PCDH15: variants seen among roughly 807,000 people sequenced by gnomAD.
The protein encoded by PCDH15 is protocadherin related 15.
Under a neutral mutation model 178.5 loss-of-function variants are expected in PCDH15, and 129 were observed. The ratio of observed to expected loss-of-function variants is 0.72; its 90% CI spans 0.63 to 0.84. The LOEUF (loss-of-function observed/expected upper bound fraction) is 0.84, where lower values mean the gene tolerates loss of function less well. Ranked by LOEUF, PCDH15 falls within the 40% of genes least tolerant of loss-of-function variation. The pLI is 0.00. For synonymous variants in PCDH15, 800 were observed against 732.0 expected (o/e 1.09, Z -1.50); for missense variants, 2,230 against 2,099.9 (o/e 1.06, Z -1.21).
chr10:53,887,608 G>A (rs1319557322), intron 26 of PCDH15, among the ~76,000 whole-genome samples: 3 of 152,148 alleles, frequency 2.0e-5, no homozygotes, highest in African/African-American at 4.8e-5. Flanking sequence ...CATTAAACAG[G>A]TCGGGCACGG....
At position 54,130,916 on chromosome 10, in the gene PCDH15, A is replaced by G. The variant is rs565676067; in HGVS notation, c.1917+1959T>C. On this transcript the variant is annotated intron_variant, in intron 15 of 37. Coordinates refer to ENST00000644397, the MANE Select transcript of PCDH15 (RefSeq NM_001384140.1). Reference sequence around the variant, plus strand: ...ACTAGTTTAAATGTAGTCTCAGTTGATCATGAACAAAAGTGGGTGGTTAGT... The same window carrying G: ...ACTAGTTTAAATGTAGTCTCAGTTGGTCATGAACAAAAGTGGGTGGTTAGT... Among the ~76,000 whole-genome samples, 8 of 152,258 alleles carry G rather than the reference A, an allele frequency of 5.3e-5. No individual in the cohort carries two copies. In the South Asian group the frequency reaches 1.7e-3, roughly 32 times the overall value.
intron 25 of PCDH15, among the ~76,000 whole-genome samples, chr10:53,908,833 G>C (rs749753699): frequency 2.0e-5 from 3 of 152,148 alleles, no homozygotes; most frequent in Non-Finnish European, 4.4e-5. Flanking sequence ...CTATTGCAGA[G>C]AATTTTTTAA....
At position 54,062,253 on chromosome 10, in the gene PCDH15, C is replaced by CAAAAAAAAAAAA. The variant is rs769054605; in HGVS notation, c.2220+4503_2220+4504insTTTTTTTTTTTT. On this transcript the variant is annotated intron_variant, in intron 18 of 37. Coordinates refer to ENST00000644397, the MANE Select transcript of PCDH15 (RefSeq NM_001384140.1). ...AAAAAAAAAAAAAAAAAAAAAAAAA[C>CAAAAAAAAAAAA]AAAAAACAACTAAATGAAAACTCCC... Among the ~76,000 whole-genome samples, 10 of 75,838 alleles carry CAAAAAAAAAAAA rather than the reference C, an allele frequency of 1.3e-4. 1 individual carries two copies. The highest frequency in any genetic ancestry group is 1.3e-4 in the Non-Finnish European group (5 of 39,454). 49.8% of individuals were successfully genotyped at this position (75,838 alleles called of 152,430 possible).
In PCDH15 at chr10:54,664,185, G is replaced by A. The variant is rs2094534129; in HGVS notation, c.78C>T (p.Gly26=). 6.2e-7 allele frequency: 1 copy of A among 1,611,672 alleles called. No individual in the cohort carries two copies. The highest frequency in any genetic ancestry group is 8.5e-7 in the Non-Finnish European group (1 of 1,178,612). Residue 26 remains glycine, a synonymous_variant, in exon 2 of 38, where the codon GGC becomes GGT. Coordinates refer to ENST00000644397, the MANE Select transcript of PCDH15 (RefSeq NM_001384140.1). ...AAGCAACCTTACCATCATCATACTG[G>A]CCCAAGCAGATTTCAAAGAGAGAGC... ...ILGSLFEICL[G]QYDDDCKLAR...
chr10:54,289,795 C>A (rs1336345314), intron 8 of PCDH15, among the ~76,000 whole-genome samples: 2 of 152,014 alleles, frequency 1.3e-5, no homozygotes, highest in Non-Finnish European at 2.9e-5. Flanking sequence ...GAAAGGGTAT[C>A]AGTGATTGGA....
intron 8 of PCDH15, among the ~76,000 whole-genome samples, chr10:54,305,089 A>G (rs963350125): frequency 3.3e-5 from 5 of 152,072 alleles, no homozygotes; most frequent in African/African-American, 9.7e-5. Context: ...CTATTTTTAT[A>G]ACTTTTTAAA....
intron 15 of PCDH15, among the ~76,000 whole-genome samples, chr10:54,116,684 C>G (rs964597478): frequency 1.3e-5 from 2 of 152,170 alleles, no homozygotes; most frequent in African/African-American, 4.8e-5. Context: ...AATTACATTT[C>G]CAGTCCTAAG....
intron 1 of PCDH15, among the ~76,000 whole-genome samples, chr10:55,268,658 TA>T (rs914605037): frequency 2.6e-5 from 4 of 152,110 alleles, no homozygotes; most frequent in East Asian, 3.9e-4. Context: ...ATTTTTAATA[TA>T]AAAAACTATA....
intron 2 of PCDH15, among the ~76,000 whole-genome samples, chr10:54,570,494 G>A (rs1361641791): frequency 1.3e-5 from 2 of 152,004 alleles, no homozygotes; most frequent in Non-Finnish European, 2.9e-5. Context: ...TCAACTTACT[G>A]ATCCTTTCTT....
chr10:53,827,551 T>C lies in PCDH15; in HGVS notation c.4212-3A>G. On this transcript the variant is annotated splice_region_variant and splice_polypyrimidine_tract_variant and intron_variant, in intron 31 of 37. Coordinates refer to ENST00000644397, the MANE Select transcript of PCDH15 (RefSeq NM_001384140.1). ...TCTTTGTACACTCAGCTTGACGTCT[T>C]GGATAAAGTAAGGATGGCTTGTAAA... 6.2e-7 allele frequency: 1 copy of C among 1,614,110 alleles called. No homozygotes were observed. Among genetic ancestry groups the C allele is most frequent in the African/African-American group, 1.3e-5 (1 of 75,056 alleles).
intron 18 of PCDH15, among the ~76,000 whole-genome samples, chr10:54,063,558 T>C (rs922174637): frequency 3.9e-5 from 6 of 152,310 alleles, no homozygotes; most frequent in African/African-American, 1.4e-4. Context: ...CACTGGATCC[T>C]AAGGGTGTTG....
chr10:55,577,400 C>T (rs1328273497), intron 2 of PCDH15, among the ~76,000 whole-genome samples: 1 of 151,992 alleles, frequency 6.6e-6, no homozygotes, highest in Non-Finnish European at 1.5e-5. Flanking sequence ...TAACTAATGT[C>T]AATTTTAATA....
chr10:55,437,027 TG>T (rs1839057430), intron 2 of PCDH15, among the ~76,000 whole-genome samples: 1 of 152,216 alleles, frequency 6.6e-6, no homozygotes, highest in African/African-American at 2.4e-5. Flanking sequence ...CCCATATTTG[TG>T]GGTGATTTCC....
At chr10:55,168,996 G>A (rs1039715686) in intron 1 of PCDH15, among the ~76,000 whole-genome samples, 1 of 152,074 alleles carries the variant, frequency 6.6e-6, no homozygotes, top group African/African-American at 2.4e-5. Flanking sequence ...ATCTTAGAGT[G>A]AGTACCAACT....
intron 2 of PCDH15, among the ~76,000 whole-genome samples, chr10:55,016,155 G>A (rs1367753142): frequency 6.7e-6 from 1 of 148,488 alleles, no homozygotes; most frequent in Admixed American, 6.8e-5. Context: ...ATATTTGTGG[G>A]AAACATGAGA....
intron 1 of PCDH15, among the ~76,000 whole-genome samples, chr10:54,703,903 A>C (rs1325622969): frequency 1.3e-5 from 2 of 152,178 alleles, no homozygotes; most frequent in South Asian, 2.1e-4. Flanking sequence ...GTAAAAAAGC[A>C]GACACATAGA....
intron 8 of PCDH15, among the ~76,000 whole-genome samples, chr10:54,244,054 A>G (rs933499824): frequency 6.6e-6 from 1 of 152,212 alleles, no homozygotes; most frequent in Admixed American, 6.5e-5. Flanking sequence ...GAAAATCATA[A>G]CAATTCATGC....
At chr10:55,242,370 A>G (rs986923982) in intron 1 of PCDH15, among the ~76,000 whole-genome samples, 4 of 152,138 alleles carry the variant, frequency 2.6e-5, no homozygotes. Flanking sequence ...ATAGCTAATG[A>G]GACTCTAAGT....
intron 1 of PCDH15, among the ~76,000 whole-genome samples, chr10:54,694,072 AG>A (rs1219566342): frequency 1.3e-5 from 2 of 152,160 alleles, no homozygotes; most frequent in Non-Finnish European, 2.9e-5. Context: ...TGGTAATTCC[AG>A]AATGAAAATA....
Sources: allele counts gnomAD v4.1 joint callset (sites outside exome capture counted in the v4.1 genomes callset), GRCh38; gene constraint gnomAD v4.1.1; transcripts MANE v1.5; gene names NCBI Gene and HGNC (gene_info 2026-07-23, HGNC 2026-07-21).